The following PKD1L1 variants were observed in gnomAD, a reference collection of about 807,000 sequenced individuals.
PKD1L1 encodes the protein polycystin-1-like protein 1.
Under a neutral mutation model 323.4 loss-of-function variants are expected in PKD1L1, and 236 were observed. That is an observed-to-expected ratio of 0.73 (90% CI 0.66 to 0.81). PKD1L1 has a LOEUF of 0.81. Among genes scored for constraint, PKD1L1 ranks in the 40% least tolerant of loss-of-function variants. The pLI is 0.00. For synonymous variants in PKD1L1, 1,344 were observed against 1,335.0 expected (o/e 1.01, Z -0.15); for missense variants, 3,320 against 3,508.0 (o/e 0.95, Z 1.35).
intron 7 of PKD1L1, among the ~76,000 whole-genome samples, chr7:47,921,897 C>T (rs1787550210): frequency 6.6e-6 from 1 of 151,572 alleles, no homozygotes; most frequent in South Asian, 2.1e-4. Context: ...TCCCCTCCCC[C>T]TCCCCTTCCC....
At chr7:47,957,704 C>T in the PKD1L1 span, among the ~76,000 whole-genome samples, 1 of 151,904 alleles carries the variant, frequency 6.6e-6, no homozygotes, top group Admixed American at 6.6e-5. Flanking sequence ...CCATGTTGCT[C>T]AGGCTGGTGG....
At chr7:47,780,598 C>T (rs779858015) in intron 56 of PKD1L1, among the ~76,000 whole-genome samples, 4 of 151,520 alleles carry the variant, frequency 2.6e-5, no homozygotes, top group Admixed American at 6.6e-5. Flanking sequence ...TACCACTGCA[C>T]TCCAGTCTCG....
intron 1 of PKD1L1, among the ~76,000 whole-genome samples, chr7:47,947,878 A>G (rs1583698407): frequency 6.6e-6 from 1 of 152,138 alleles, no homozygotes; most frequent in East Asian, 1.9e-4. Context: ...GAGGCAGGAT[A>G]AATGGCATGA....
chr7:47,924,956 G>A (rs2128754374), intron 7 of PKD1L1, among the ~76,000 whole-genome samples: 1 of 152,256 alleles, frequency 6.6e-6, no homozygotes, highest in South Asian at 2.1e-4. Flanking sequence ...ATGAGAGGTT[G>A]ATAATCACCA....
rs777386867 is a variant in PKD1L1 at position 47,853,089 on chromosome 7, T to C, written c.4960+38A>G. ...GGTTATAGGGGATGTTTTAATCATG[T>C]AAACAGAAAGGGAAAATAAGGCGCC... On this transcript the variant is annotated intron_variant, in intron 31 of 56. Coordinates refer to ENST00000289672, the MANE Select transcript of PKD1L1 (RefSeq NM_138295.5). 7.2e-6 allele frequency: 10 copies of C among 1,396,256 alleles called. No individual in the cohort carries two copies. In the East Asian group the frequency reaches 2.1e-4, roughly 29 times the overall value. 86.5% of individuals were successfully genotyped at this position (1,396,256 alleles called of 1,614,324 possible).
At position 47,837,102 on chromosome 7, in the gene PKD1L1, G is replaced by A. The variant is rs201672895; in HGVS notation, c.5770-8C>T. 3.0e-4 allele frequency: 477 copies of A among 1,613,594 alleles called. No individual in the cohort carries two copies. The highest frequency in any genetic ancestry group is 3.8e-4 in the Non-Finnish European group (453 of 1,179,606). ...GAACTTGCAATAGAAAAGCTGAAAC[G>A]GAAAGCAGGAGAAGTGTTCCCTGAC... On this transcript the variant is annotated splice_region_variant and splice_polypyrimidine_tract_variant and intron_variant, in intron 36 of 56. Coordinates refer to ENST00000289672, the MANE Select transcript of PKD1L1 (RefSeq NM_138295.5).
At chr7:47,905,369 G>A (rs199538627) in intron 10 of PKD1L1, 44 bp from the exon 11 acceptor site, 26 of 1,583,708 alleles carry the variant, frequency 1.6e-5, no homozygotes, top group East Asian at 2.2e-5. Context: ...AACATAGGAG[G>A]GCTGGAATCT....
intron 52 of PKD1L1, among the ~76,000 whole-genome samples, chr7:47,807,943 T>C (rs1784815412): frequency 6.6e-6 from 1 of 152,066 alleles, no homozygotes; most frequent in Non-Finnish European, 1.5e-5. Context: ...CTAGCCTCCT[T>C]CCTCCATGCT....
intron 56 of PKD1L1, among the ~76,000 whole-genome samples, chr7:47,789,043 T>C (rs1339624069): frequency 6.6e-6 from 1 of 152,228 alleles, no homozygotes; most frequent in African/African-American, 2.4e-5. Flanking sequence ...AAGACTGACA[T>C]GTAGTTTTAT....
At chr7:47,918,684 G>C (rs1157119948) in intron 7 of PKD1L1, among the ~76,000 whole-genome samples, 2 of 151,962 alleles carry the variant, frequency 1.3e-5, no homozygotes, top group Non-Finnish European at 2.9e-5. Flanking sequence ...AGACCACAGT[G>C]GAATAAAACT....
chr7:47,877,666 G>T (rs758503027), intron 21 of PKD1L1, 35 bp from the exon 22 acceptor site: 2 of 1,607,994 alleles, frequency 1.2e-6, no homozygotes, highest in Non-Finnish European at 1.7e-6. Flanking sequence ...TTTCACCCAT[G>T]ATGGAGAATT....
intron 56 of PKD1L1, among the ~76,000 whole-genome samples, chr7:47,790,136 A>G (rs538912853): frequency 1.3e-5 from 2 of 151,848 alleles, no homozygotes; most frequent in Admixed American, 6.6e-5. Context: ...TGATCCGCCC[A>G]CCTAGGCCTC....
At position 47,902,436 on chromosome 7, in the gene PKD1L1, G is replaced by A. The variant is rs548152141; in HGVS notation, c.2007C>T (p.Ile669=). 1.1e-5 allele frequency: 18 copies of A among 1,614,166 alleles called. No homozygotes were observed. Among genetic ancestry groups the A allele is most frequent in the Admixed American group, 3.3e-5 (2 of 60,022 alleles). Residue 669 remains isoleucine, a synonymous_variant, in exon 13 of 57, where the codon ATC becomes ATT. Transcript: ENST00000289672. The part of the protein sequence containing the change: ...SASTLRQQLF[I]VCEPCQPPLV... ...GGGGTGGCTGGCAGGGCTCGCACAC[G>A]ATGAAAAGTTGCTGTCTTAGAGTGG...
chr7:47,905,807 GT>G (rs760215462), intron 10 of PKD1L1, 35 bp downstream of exon 10: 40 of 1,609,020 alleles, frequency 2.5e-5, no homozygotes, highest in Non-Finnish European at 3.3e-5. Context: ...CGCGAGGGAG[GT>G]TTTTGTTAAA....
At chr7:47,824,422 AT>A (rs1434222878) in intron 45 of PKD1L1, among the ~76,000 whole-genome samples, 1 of 152,184 alleles carries the variant, frequency 6.6e-6, no homozygotes, top group Non-Finnish European at 1.5e-5. Flanking sequence ...TTACCCCACA[AT>A]AAATCAACAA....
chr7:47,864,384 G>A (rs952978065), intron 26 of PKD1L1, among the ~76,000 whole-genome samples: 11 of 152,004 alleles, frequency 7.2e-5, no homozygotes, highest in South Asian at 2.1e-4. Context: ...ATCAGCTGAC[G>A]GGGAGGAAAG....
At chr7:47,910,826 TTGTGTGTGTG>T (rs60550498) in intron 8 of PKD1L1, among the ~76,000 whole-genome samples, 13 of 126,082 alleles carry the variant, frequency 1.0e-4, no homozygotes, top group Middle Eastern at 3.8e-3. Flanking sequence ...CCAGCTGATT[TTGTGTGTGTG>T]TGTGTGTGTG....
rs769107717 is a variant in PKD1L1, at chr7:47,905,980, G to A, written c.1403-18C>T. On this transcript the variant is annotated intron_variant, in intron 9 of 56. Transcript: ENST00000289672. Reference sequence around the variant, plus strand: ...CACAGTGCCTAAAATGAGAAAAAAAGGAGATAAGAGAAAAAGTCTTAAAAT... The same window carrying A: ...CACAGTGCCTAAAATGAGAAAAAAAAGAGATAAGAGAAAAAGTCTTAAAAT... The A allele has an allele frequency of 6.4e-7, 1 of 1,565,074 alleles. No homozygotes were observed.
rs551650977 is a variant in PKD1L1 at position 47,815,372 on chromosome 7, G to A, written c.7051C>T (p.Pro2351Ser). The change falls in exon 47 of 57, where the codon CCG (proline) becomes TCG (serine). Residue 2351 changes from proline to serine, a missense_variant. By Grantham distance (74) the Pro-to-Ser change is moderately conservative. Coordinates refer to ENST00000289672, the MANE Select transcript of PKD1L1 (RefSeq NM_138295.5). ...SLTTLLDGLY[P>S]GGTPSARVPG... ...ACACGGGCTGACGGGGTGCCTCCCG[G>A]GTACAGGCCATCCAGAAGTGTGGTC... 2 of 1,614,158 alleles carry A rather than the reference G, an allele frequency of 1.2e-6. No homozygotes were observed. Among genetic ancestry groups the A allele is most frequent in the Admixed American group, 3.3e-5 (2 of 60,028 alleles).
Sources: allele counts gnomAD v4.1 joint callset (sites outside exome capture counted in the v4.1 genomes callset), GRCh38; gene constraint gnomAD v4.1.1; transcripts MANE v1.5; gene names NCBI Gene and HGNC (gene_info 2026-07-23, HGNC 2026-07-21).